The following DLG5 variants were observed in gnomAD, a reference collection of about 807,000 sequenced individuals.
DLG5 encodes the protein disks large homolog 5.
A neutral mutation model predicts 189.8 loss-of-function variants in DLG5; 48 were observed. The observed-to-expected ratio is 0.25, with a 90% CI of 0.20 to 0.32. The LOEUF (loss-of-function observed/expected upper bound fraction) is 0.32. Among genes scored for constraint, DLG5 ranks in the 10% least tolerant of loss-of-function variants. DLG5 has a pLI of 1.00. For missense variants in DLG5, 2,160 were observed against 2,544.7 expected, an observed-to-expected ratio of 0.85 and a Z score of 3.25; for synonymous variants, 1,016 against 1,054.1, an observed-to-expected ratio of 0.96 and a Z score of 0.70.
chr10:77,806,882 T>C lies in DLG5; in HGVS notation c.4843A>G (p.Lys1615Glu). The change falls in exon 26 of 32, where the codon AAG (lysine) becomes GAG (glutamate). Residue 1615 changes from lysine (K) to glutamate (E), a missense_variant. Transcript: ENST00000372391. ...TCCACGTAGAGGATGTCGTCCTTCT[T>C]AAAGCTCAACTCTTGCTCCACATCT... ...LADVEQELSF[K>E]KDDILYVDDT... is the part of the protein sequence containing the mutation. 1.2e-6 allele frequency: 2 copies of C among 1,614,014 alleles called. No individual in the cohort carries two copies. The highest frequency in any genetic ancestry group is 8.5e-7 in the Non-Finnish European group (1 of 1,179,904).
intron 7 of DLG5, 74 bp downstream of exon 7, chr10:77,841,807 C>G: frequency 6.6e-7 from 1 of 1,525,436 alleles, no homozygotes; most frequent in South Asian, 1.2e-5. Context: ...ATCCGGACAC[C>G]ACGCACTCTG....
At chr10:77,917,967 G>A (rs1462642547) in intron 1 of DLG5, among the ~76,000 whole-genome samples, 1 of 150,442 alleles carries the variant, frequency 6.6e-6, no homozygotes, top group Admixed American at 6.6e-5. Context: ...GTGGTGAGCC[G>A]AGATCATGCC....
chr10:77,869,854 T>A (rs1247903482), intron 1 of DLG5, among the ~76,000 whole-genome samples: 1 of 152,110 alleles, frequency 6.6e-6, no homozygotes, highest in African/African-American at 2.4e-5. Context: ...GATGTTACCC[T>A]CCCAGCACCG....
intron 15 of DLG5, 178 bp downstream of exon 15, chr10:77,820,904 C>T: frequency 1.4e-6 from 1 of 720,070 alleles, no homozygotes; most frequent in Non-Finnish European, 2.2e-6. Flanking sequence ...CCATGCACTT[C>T]CACGCCACTT....
At chr10:77,926,908 C>G (rs747088793), upstream of DLG5, 7 of 350,882 alleles carry the variant, frequency 2.0e-5, no homozygotes, top group Admixed American at 3.2e-5. The surrounding 1 kb of genome is among the most constrained non-coding windows in gnomAD (Gnocchi z 5.2). Context: ...AAACTCGCCC[C>G]GAAAGCCGGG....
intron 11 of DLG5, 134 bp downstream of exon 11, chr10:77,830,083 C>G: frequency 9.1e-7 from 1 of 1,095,880 alleles, no homozygotes; most frequent in South Asian, 1.6e-5. Flanking sequence ...GCTGAGACTG[C>G]AGGCCTTGGA....
At position 77,877,198 on chromosome 10, in the gene DLG5, A is replaced by C. The variant is rs1845127528; in HGVS notation, c.305-8001T>G. 2.0e-5 allele frequency among the ~76,000 whole-genome samples: 3 copies of C among 152,300 alleles called. No homozygotes were observed. In the South Asian group the frequency reaches 6.2e-4, roughly 32 times the overall value. ...AAATGCCCCAAGGCAAAAATATGTA[A>C]AGAGAGGGAAAACAAAACATGTGCA... is the stretch of plus-strand genomic sequence containing the variant. On this transcript the variant is annotated intron_variant, in intron 1 of 31. Coordinates refer to ENST00000372391, the MANE Select transcript of DLG5 (RefSeq NM_004747.4).
chr10:77,853,565 GC>G, intron 4 of DLG5, 28 bp from the exon 5 acceptor site: 1 of 1,511,090 alleles, frequency 6.6e-7, no homozygotes. Context: ...TGCTCAGTGA[GC>G]CCCAGCCAGC....
intron 1 of DLG5, among the ~76,000 whole-genome samples, chr10:77,902,799 G>C (rs1483469879): frequency 6.6e-6 from 1 of 152,038 alleles, no homozygotes; most frequent in African/African-American, 2.4e-5. Flanking sequence ...GGCGGAGCTT[G>C]CAGTGAGCCG....
At position 77,863,090 on chromosome 10, in the gene DLG5, CA is replaced by C. The variant is rs934164971; in HGVS notation, c.373+6038del. 3.0e-4 allele frequency among the ~76,000 whole-genome samples: 46 copies of C among 151,618 alleles called. 1 individual carries two copies. The highest frequency in any genetic ancestry group is 7.7e-4 in the East Asian group (4 of 5,174). On this transcript the variant is annotated intron_variant, in intron 2 of 31. Transcript: ENST00000372391. Reference sequence around the variant, plus strand: ...TATATCTCAATGAACATAACCTTAACAAAAAAAAATTTCTTTTTTGAGACAG... The same window carrying C: ...TATATCTCAATGAACATAACCTTAACAAAAAAAATTTCTTTTTTGAGACAG...
chr10:77,841,910 C>A lies in DLG5; in HGVS notation c.1408G>T (p.Ala470Ser). The stretch of plus-strand genomic sequence containing the variant: ...CGCAGCGCCTCCATCTCCTCATTGG[C>A]CGCCTTCTTCTCAGATGTGCTGCTC... Reference protein sequence around the residue: ...LKSSTSEKKAANEEMEALRQI... With the variant: ...LKSSTSEKKASNEEMEALRQI... The change falls in exon 7 of 32, where the codon GCC becomes TCC. Residue 470 changes from alanine to serine, a missense_variant. By Grantham distance (99) the Ala-to-Ser change is moderately conservative (BLOSUM62 1). Transcript: ENST00000372391. 2 of 1,610,744 alleles carry A rather than the reference C, an allele frequency of 1.2e-6. No individual in the cohort carries two copies. The highest frequency in any genetic ancestry group is 1.7e-6 in the Non-Finnish European group (2 of 1,177,378).
At position 77,821,284 on chromosome 10, in the gene DLG5, C is replaced by T. The variant is rs201354863; in HGVS notation, c.3200G>A (p.Arg1067His). The stretch of plus-strand genomic sequence containing the variant: ...GGAAGCAATGCGGACCCTGGCCTTG[C>T]GAGGGGGTGATGCGTGCATGGGCTC... ...PGEPMHASPP[R>H]KARVRIASSY... The change falls in exon 15 of 32, where the codon CGC (arginine) becomes CAC (histidine). Residue 1067 changes from arginine (R) to histidine (H), a missense_variant. Around this residue, in one of 5 missense-constraint regions of DLG5, gnomAD observed 754 missense variants for 746.5 expected, o/e 1.01. Transcript: ENST00000372391. The T allele has an allele frequency of 5.3e-4, 854 of 1,613,680 alleles. 6 individuals are homozygous for T. The Middle Eastern group carries it at 7.8e-3, about 15-fold the overall frequency.
rs553011328 is a variant in DLG5, at chr10:77,843,683, G to A, written c.888C>T (p.Ser296=). 58 of 1,613,940 alleles carry A rather than the reference G, an allele frequency of 3.6e-5. No homozygotes were observed. Among genetic ancestry groups the A allele is most frequent in the South Asian group, 5.5e-5 (5 of 91,054 alleles). Residue 296 remains serine, a synonymous_variant, in exon 6 of 32, where the codon TCC becomes TCT. Coordinates refer to ENST00000372391, the MANE Select transcript of DLG5 (RefSeq NM_004747.4). ...TGTCATACAGTTTGTTGAGAATCTCGGATGACCCGTTGTGCTTCAACACCT... is the reference window on the plus strand; with the variant it reads ...TGTCATACAGTTTGTTGAGAATCTCAGATGACCCGTTGTGCTTCAACACCT... ...QQQVLKHNGS[S]EILNKLYDTA...
Position 77,911,426 on chromosome 10 carries a change from A to G in DLG5, c.304+14791T>C, listed in dbSNP as rs138440719. ...TACCACACCTAGCCAGAATTAAAGT[A>G]TTTTAAAGTATTACTTCTTACGTTA... On this transcript the variant is annotated intron_variant, in intron 1 of 31. Coordinates refer to ENST00000372391, the MANE Select transcript of DLG5 (RefSeq NM_004747.4). Among the ~76,000 whole-genome samples the G allele has an allele frequency of 2.0e-3, 305 of 152,328 alleles. 2 individuals carry two copies. In the Middle Eastern group the frequency reaches 0.041, roughly 20 times the overall value.
chr10:77,803,663 A>G (rs1197884980), intron 27 of DLG5, among the ~76,000 whole-genome samples: 1 of 152,200 alleles, frequency 6.6e-6, no homozygotes, highest in African/African-American at 2.4e-5. Flanking sequence ...TCTAACGACA[A>G]CTTCAAGATA....
At chr10:77,937,284 T>C in the DLG5 span, among the ~76,000 whole-genome samples, 1 of 152,132 alleles carries the variant, frequency 6.6e-6, no homozygotes, top group African/African-American at 2.4e-5. Context: ...ACTCCTCTCA[T>C]TCTCTAGGGC....
chr10:77,931,737 T>G (rs769964344), upstream of DLG5, among the ~76,000 whole-genome samples: 4 of 152,132 alleles, frequency 2.6e-5, no homozygotes, highest in Non-Finnish European at 4.4e-5. Context: ...GGTTGACTCT[T>G]CAATCCTCTT....
rs764038919 is a variant in DLG5, at chr10:77,821,437, G to A, written c.3047C>T (p.Pro1016Leu). 9 of 1,612,886 alleles carry A rather than the reference G, an allele frequency of 5.6e-6. No individual in the cohort carries two copies. In the African/African-American group the frequency reaches 6.7e-5, roughly 12 times the overall value. The change falls in exon 15 of 32, where the codon CCC (proline) becomes CTC (leucine). Residue 1016 changes from proline (P) to leucine (L), a missense_variant. Pro to Leu is a moderately conservative substitution (Grantham distance 98). Coordinates refer to ENST00000372391, the MANE Select transcript of DLG5 (RefSeq NM_004747.4). ...RAGPLTPPKPPRRSDSIKFQH... is the reference protein window; with the variant it reads ...RAGPLTPPKPLRRSDSIKFQH... ...GAACTTAATGGAGTCGCTCCTTCTG[G>A]GAGGTTTTGGGGGTGTCAGAGGCCC...
chr10:77,872,007 T>A (rs1376693566), intron 1 of DLG5, among the ~76,000 whole-genome samples: 2 of 152,216 alleles, frequency 1.3e-5, no homozygotes, highest in East Asian at 3.8e-4. Flanking sequence ...ACTACCATTT[T>A]TTAAATAGTA....
Sources: gnomAD v4.1 joint callset for allele counts (sites outside exome capture counted in the v4.1 genomes callset) on GRCh38, gnomAD v4.1.1 for gene constraint, gnomAD v4.1.1 regional missense constraint, Gnocchi (gnomAD v3.1) non-coding constraint, MANE v1.5 for transcripts, NCBI Gene and HGNC (gene_info 2026-07-23, HGNC 2026-07-21) for gene names.